Variants in ADGRL3 observed in about 807,000 individuals in gnomAD.
ADGRL3 encodes adhesion G protein-coupled receptor L3.
A neutral mutation model predicts 153.5 loss-of-function variants in ADGRL3; 62 were observed. The observed-to-expected ratio is 0.40, with a 90% CI of 0.33 to 0.50. The LOEUF is 0.50. Ranked by LOEUF, ADGRL3 falls within the 20% of genes least tolerant of loss-of-function variation. ADGRL3 has a pLI of 0.47. For missense variants in ADGRL3, 1,641 were observed against 1,859.4 expected, an observed-to-expected ratio of 0.88 and a Z score of 2.16; for synonymous variants, 710 against 672.5, an observed-to-expected ratio of 1.06 and a Z score of -0.86.
intron 5 of ADGRL3, among the ~76,000 whole-genome samples, chr4:61,626,548 A>C (rs1201720685): frequency 1.3e-5 from 2 of 152,120 alleles, no homozygotes; most frequent in Non-Finnish European, 2.9e-5. Context: ...TTAATCACTA[A>C]TTAAAAATTT....
At chr4:61,599,799 A>T (rs2099003569) in intron 5 of ADGRL3, among the ~76,000 whole-genome samples, 1 of 152,050 alleles carries the variant, frequency 6.6e-6, no homozygotes. Flanking sequence ...GTCAGAGAAA[A>T]ATTTTCGCTT....
intron 1 of ADGRL3, among the ~76,000 whole-genome samples, chr4:61,224,918 T>A (rs1747255344): frequency 6.6e-6 from 1 of 152,148 alleles, no homozygotes; most frequent in Non-Finnish European, 1.5e-5. Context: ...GTCCTCTTAT[T>A]TATTGAGCTT....
At chr4:62,060,454 T>C (rs977710810) in intron 25 of ADGRL3, among the ~76,000 whole-genome samples, 4 of 151,958 alleles carry the variant, frequency 2.6e-5, no homozygotes, top group African/African-American at 9.6e-5. Context: ...TGGGCAATTA[T>C]GTTTTTTAAG....
chr4:61,630,681 G>A (rs1003331648), intron 5 of ADGRL3, among the ~76,000 whole-genome samples: 1 of 152,184 alleles, frequency 6.6e-6, no homozygotes, highest in South Asian at 2.1e-4. Context: ...GCTACAGCTG[G>A]CTAGCCAGAT....
At chr4:61,617,824 T>G (rs1035704889) in intron 5 of ADGRL3, among the ~76,000 whole-genome samples, 2 of 152,236 alleles carry the variant, frequency 1.3e-5, no homozygotes, top group Non-Finnish European at 2.9e-5. Context: ...TGTTAACATG[T>G]GTTATAAATC....
At chr4:61,557,730 T>C (rs1387124752) in intron 4 of ADGRL3, among the ~76,000 whole-genome samples, 2 of 152,074 alleles carry the variant, frequency 1.3e-5, no homozygotes, top group African/African-American at 4.8e-5. Flanking sequence ...TGTGCACTCT[T>C]TAGTGAGAAA....
chr4:62,033,260 G>T (rs915175607), intron 23 of ADGRL3, among the ~76,000 whole-genome samples: 7 of 150,512 alleles, frequency 4.7e-5, no homozygotes, highest in Non-Finnish European at 8.9e-5. Flanking sequence ...TACTCATTTT[G>T]TTTTTTTTTA....
intron 1 of ADGRL3, among the ~76,000 whole-genome samples, chr4:61,254,990 C>G (rs1170490104): frequency 2.6e-5 from 4 of 151,950 alleles, no homozygotes; most frequent in Non-Finnish European, 4.4e-5. Flanking sequence ...TAATATGACA[C>G]TCTTGTACTT....
At chr4:61,652,033 A>G (rs1375063822) in intron 5 of ADGRL3, among the ~76,000 whole-genome samples, 2 of 152,156 alleles carry the variant, frequency 1.3e-5, no homozygotes, top group African/African-American at 2.4e-5. Context: ...CATTGTTAAC[A>G]ATTTTGTTCT....
chr4:61,394,572 A>C (rs548432434), intron 2 of ADGRL3, among the ~76,000 whole-genome samples: 13 of 152,134 alleles, frequency 8.5e-5, no homozygotes, highest in Non-Finnish European at 1.8e-4. Flanking sequence ...ATTTACACTT[A>C]AATATAAAAA....
Position 61,397,516 on chromosome 4 carries a change from T to G in ADGRL3, c.-174+14327T>G, listed in dbSNP as rs189636603. 1.8e-3 allele frequency among the ~76,000 whole-genome samples: 274 copies of G among 152,066 alleles called. 2 individuals carry two copies. Among genetic ancestry groups the G allele is most frequent in the African/African-American group, 6.4e-3 (265 of 41,554 alleles). On this transcript the variant is annotated intron_variant, in intron 2 of 26. Transcript: ENST00000683033. ...ACCCACTTTATTGCCTAGAGAGTTA[T>G]GAGTTGAAAGCATCTCTTTTAGCTC...
At chr4:61,888,567 G>A (rs750228216) in intron 9 of ADGRL3, among the ~76,000 whole-genome samples, 4 of 152,190 alleles carry the variant, frequency 2.6e-5, no homozygotes, top group Non-Finnish European at 4.4e-5. Flanking sequence ...ATTGAACAGA[G>A]CCTGCGGTAG....
chr4:61,732,357 A>T (rs2096457007), intron 7 of ADGRL3, among the ~76,000 whole-genome samples: 1 of 152,182 alleles, frequency 6.6e-6, no homozygotes, highest in African/African-American at 2.4e-5. Flanking sequence ...GAATGGAAAC[A>T]ATATTTTTGT....
At chr4:61,706,664 G>A (rs911896733) in intron 6 of ADGRL3, among the ~76,000 whole-genome samples, 5 of 151,994 alleles carry the variant, frequency 3.3e-5, no homozygotes, top group African/African-American at 1.2e-4. Flanking sequence ...ATTTCTCTCA[G>A]CCTTCATACA....
chr4:61,211,702 A>T (rs1045129791), intron 1 of ADGRL3: 2 of 152,216 alleles, frequency 1.3e-5, no homozygotes, highest in African/African-American at 2.4e-5. Context: ...TATGCAAATC[A>T]AGGGGTTCAA....
intron 8 of ADGRL3, among the ~76,000 whole-genome samples, chr4:61,749,548 T>C (rs2096723212): frequency 6.6e-6 from 1 of 152,208 alleles, no homozygotes; most frequent in South Asian, 2.1e-4. Context: ...GATGAGTTCA[T>C]GTCCTTTGTA....
intron 17 of ADGRL3, among the ~76,000 whole-genome samples, chr4:61,969,121 C>T (rs900552234): frequency 6.6e-5 from 10 of 152,156 alleles, no homozygotes; most frequent in African/African-American, 2.4e-4. Context: ...TCAAAATTTC[C>T]TCTCTTGTTT....
chr4:61,286,524 A>G (rs1214296806), intron 1 of ADGRL3, among the ~76,000 whole-genome samples: 1 of 151,756 alleles, frequency 6.6e-6, no homozygotes, highest in African/African-American at 2.4e-5. Context: ...AAGTCATTAC[A>G]TGAGAAGATA....
At chr4:61,778,340 C>T (rs934419798) in intron 8 of ADGRL3, among the ~76,000 whole-genome samples, 5 of 152,134 alleles carry the variant, frequency 3.3e-5, no homozygotes, top group Non-Finnish European at 7.4e-5. Context: ...TTTGGTTGAG[C>T]GGTACTCTCT....
Sources: gnomAD v4.1 joint callset for allele counts (sites outside exome capture counted in the v4.1 genomes callset) on GRCh38, gnomAD v4.1.1 for gene constraint, MANE v1.5 for transcripts, NCBI Gene and HGNC (gene_info 2026-07-23, HGNC 2026-07-21) for gene names.